Variants in PDPK1 observed in about 807,000 individuals in gnomAD.
PDPK1 encodes the protein 3-phosphoinositide dependent protein kinase 1.
A neutral mutation model predicts 39.8 loss-of-function variants in PDPK1; 7 were observed. The ratio of observed to expected loss-of-function variants is 0.18; its 90% CI spans 0.10 to 0.33. The LOEUF is 0.33. PDPK1 is among the 10% of genes least tolerant of loss of function. PDPK1 has a pLI of 1.00. For missense variants in PDPK1, 182 were observed against 384.7 expected (o/e 0.47, Z 4.41); for synonymous variants, 118 against 159.1 (o/e 0.74, Z 1.95).
Position 2,593,819 on chromosome 16 carries a change from A to G in PDPK1, c.1344-1974A>G, listed in dbSNP as rs2067043084. The G allele has an allele frequency of 6.6e-6, 1 of 152,578 alleles. No individual in the cohort carries two copies. The highest frequency in any genetic ancestry group is 2.4e-5 in the African/African-American group (1 of 41,448). 9.5% of individuals were successfully genotyped at this position (152,578 alleles called of 1,614,324 possible). On this transcript the variant is annotated intron_variant, in intron 11 of 13. Transcript: ENST00000342085. The surrounding 1 kb of genome is among the most constrained non-coding windows in gnomAD (Gnocchi z 4.2). ...TGCCGGCTCTGTGGTCCCTCCAGGC[A>G]TTTCTGTGCTCTATGCTTTCTGTGC...
At chr16:2,543,690 G>C (rs2066281028) in intron 1 of PDPK1, among the ~76,000 whole-genome samples, 1 of 152,124 alleles carries the variant, frequency 6.6e-6, no homozygotes. Flanking sequence ...TGGCTGTACA[G>C]TCTTTTCTGA....
Position 2,597,925 on chromosome 16 carries a change from A to G in PDPK1, c.*158A>G, listed in dbSNP as rs1406809184. ...TTTTATTTAAAAGAAAAGAAGAAAAAAAACACCCAACCACACAAAGAACAA... is the reference window on the plus strand; with the variant it reads ...TTTTATTTAAAAGAAAAGAAGAAAAGAAACACCCAACCACACAAAGAACAA... On this transcript the variant is annotated 3_prime_UTR_variant, in exon 14 of 14. Coordinates refer to ENST00000342085, the MANE Select transcript of PDPK1 (RefSeq NM_002613.5). This position sits in a 1 kb window ranked among gnomAD's most constrained non-coding sequence, Gnocchi z 6.3. 3 of 593,366 alleles carry G rather than the reference A, an allele frequency of 5.1e-6. No individual in the cohort carries two copies. The highest frequency in any genetic ancestry group is 3.0e-5 in the Admixed American group (1 of 33,252). The allele number at this position is 593,366 out of a possible 1,614,324, so 36.8% of individuals were successfully genotyped here.
rs1051484736 is a variant in PDPK1, at chr16:2,573,692, G to A, written c.710-3733G>A. 4.7e-5 allele frequency among the ~76,000 whole-genome samples: 5 copies of A among 107,026 alleles called. No homozygotes were observed. The South Asian group carries it at 9.4e-4, about 20-fold the overall frequency. 70.2% of individuals were successfully genotyped at this position (107,026 alleles called of 152,430 possible). A position where few individuals can be genotyped will look rare whatever the true frequency, so the allele number is the denominator to read the frequency against. ...GGTTGCAGTAAGCTGACCTCAGACC[G>A]CTGCACTCCAGCCTGGGCAACAGAG... On this transcript the variant is annotated intron_variant, in intron 6 of 13. Transcript: ENST00000342085.
At chr16:2,580,017 T>C (rs1387337141) in intron 7 of PDPK1, 2 of 149,528 alleles carry the variant, frequency 1.3e-5, no homozygotes, top group South Asian at 4.3e-4. Context: ...AACCCACTTA[T>C]AGTCACAGAT....
chr16:2,556,357 A>ATTTT (rs1174100741), intron 1 of PDPK1, among the ~76,000 whole-genome samples: 47 of 86,200 alleles, frequency 5.5e-4, no homozygotes, highest in African/African-American at 1.5e-3. Context: ...CGCCCGGCCT[A>ATTTT]TTTTTTTTTT....
Position 2,601,093 on chromosome 16 carries a change from A to C in PDPK1, c.*3326A>C, listed in dbSNP as rs2067206155. The C allele has an allele frequency of 4.3e-6, 1 of 232,872 alleles. No homozygotes were observed. Among genetic ancestry groups the C allele is most frequent in the Admixed American group, 5.6e-5 (1 of 17,766 alleles). The allele number at this position is 232,872 out of a possible 1,614,324, so 14.4% of individuals were successfully genotyped here. On this transcript the variant is annotated 3_prime_UTR_variant, in exon 14 of 14. Coordinates refer to ENST00000342085, the MANE Select transcript of PDPK1 (RefSeq NM_002613.5). ...AATAATGCTGTGATGAATATCTTTA[A>C]AATCTTCTGATTTCTTACTTTTTTC...
intron 1 of PDPK1, among the ~76,000 whole-genome samples, chr16:2,542,245 C>T (rs74744474): frequency 0.057 from 6,811 of 119,522 alleles, no homozygotes; most frequent in Admixed American, 0.079. Flanking sequence ...CTGCAACCTC[C>T]GCCTCATGGG....
rs192968759 is a variant in PDPK1, at chr16:2,595,250, T to C, written c.1344-543T>C. Among the ~76,000 whole-genome samples the C allele has an allele frequency of 1.9e-3, 290 of 152,336 alleles. 1 individual carries two copies. The highest frequency in any genetic ancestry group is 6.6e-3 in the African/African-American group (274 of 41,578). On this transcript the variant is annotated intron_variant, in intron 11 of 13. Transcript: ENST00000342085. ...TTCTGCCGTCTCTGAATAAAAGTGT[T>C]TTACTATGATGGAAAAACCAGAGGA...
Position 2,598,680 on chromosome 16 carries a change from C to T in PDPK1, c.*913C>T, listed in dbSNP as rs947687801. 3 of 233,312 alleles carry T rather than the reference C, an allele frequency of 1.3e-5. No individual in the cohort carries two copies. Among genetic ancestry groups the T allele is most frequent in the Non-Finnish European group, 2.5e-5 (3 of 118,176 alleles). The allele number at this position is 233,312 out of a possible 1,614,324, so 14.5% of individuals were successfully genotyped here. A position where few individuals can be genotyped will look rare whatever the true frequency, so the allele number is the denominator to read the frequency against. ...CCAGAGCAGAGAGGGCTGCTGACTT[C>T]CGTGTGGAGCAGAGAGGCCTGAGGG... On this transcript the variant is annotated 3_prime_UTR_variant, in exon 14 of 14. Transcript: ENST00000342085.
chr16:2,544,149 T>C (rs1293230349), intron 1 of PDPK1, among the ~76,000 whole-genome samples: 1 of 152,222 alleles, frequency 6.6e-6, no homozygotes, highest in Non-Finnish European at 1.5e-5. Flanking sequence ...GTTGAATCCA[T>C]GCATGTGGAG....
intron 11 of PDPK1, chr16:2,592,577 A>C (rs1031210660): frequency 2.3e-5 from 8 of 354,734 alleles, no homozygotes; most frequent in Non-Finnish European, 3.9e-5. Context: ...CAGGAGGCTG[A>C]GACAGGAGAA....
rs951436639 is a variant in PDPK1 at position 2,593,901 on chromosome 16, CTT to C, written c.1344-1890_1344-1889del. 1 of 152,356 alleles carries C rather than the reference CTT, an allele frequency of 6.6e-6. No individual in the cohort carries two copies. Among genetic ancestry groups the C allele is most frequent in the Admixed American group, 6.5e-5 (1 of 15,288 alleles). 9.4% of individuals were successfully genotyped at this position (152,356 alleles called of 1,614,324 possible). A position where few individuals can be genotyped will look rare whatever the true frequency, so the allele number is the denominator to read the frequency against. On this transcript the variant is annotated intron_variant, in intron 11 of 13. Transcript: ENST00000342085. The surrounding 1 kb of genome is among the most constrained non-coding windows in gnomAD (Gnocchi z 4.2). The stretch of plus-strand genomic sequence containing the variant: ...TCAGGAACCTCCTTGATCTGTTTCT[CTT>C]TGTTTTAATACCCACATTGTGTGTG...
chr16:2,540,703 C>A (rs2066228957), intron 1 of PDPK1, among the ~76,000 whole-genome samples: 1 of 152,198 alleles, frequency 6.6e-6, no homozygotes, highest in African/African-American at 2.4e-5. Flanking sequence ...GGGCCTGTTT[C>A]AGCCTCCTGC....
chr16:2,597,953 C>A lies in PDPK1; in HGVS notation c.*186C>A, dbSNP rs935396654. ...ACACCCAACCACACAAAGAACAAAA[C>A]CAGTAACAAACACAAAGGAATTCAG... On this transcript the variant is annotated 3_prime_UTR_variant, in exon 14 of 14. Coordinates refer to ENST00000342085, the MANE Select transcript of PDPK1 (RefSeq NM_002613.5). This position sits in a 1 kb window ranked among gnomAD's most constrained non-coding sequence, Gnocchi z 6.3. 7 of 587,158 alleles carry A rather than the reference C, an allele frequency of 1.2e-5. No homozygotes were observed. Among genetic ancestry groups the A allele is most frequent in the African/African-American group, 1.9e-5 (1 of 53,634 alleles). 36.4% of individuals were successfully genotyped at this position (587,158 alleles called of 1,614,324 possible).
At chr16:2,592,301 T>C (rs2067005288) in intron 11 of PDPK1, among the ~76,000 whole-genome samples, 1 of 152,084 alleles carries the variant, frequency 6.6e-6, no homozygotes, top group Non-Finnish European at 1.5e-5. Flanking sequence ...GTCGCCTGTT[T>C]TGAGGGAGCC....
chr16:2,539,276 C>T (rs778533842), intron 1 of PDPK1: 25 of 155,148 alleles, frequency 1.6e-4, no homozygotes, highest in Non-Finnish European at 3.1e-4. Flanking sequence ...GAAGGTGTTT[C>T]GCCATGTTGG....
chr16:2,543,119 G>A (rs559683243), intron 1 of PDPK1, among the ~76,000 whole-genome samples: 28 of 33,570 alleles, frequency 8.3e-4, no homozygotes, highest in Non-Finnish European at 1.6e-3. Context: ...ACTGAAATGC[G>A]CCTGGCGTGT....
intron 11 of PDPK1, among the ~76,000 whole-genome samples, chr16:2,591,993 G>A (rs1019160864): frequency 1.3e-5 from 2 of 152,174 alleles, no homozygotes; most frequent in African/African-American, 2.4e-5. Context: ...GGGCCCGTCC[G>A]CCATTGCCAC....
At chr16:2,553,356 T>C (rs2066453229) in intron 1 of PDPK1, among the ~76,000 whole-genome samples, 1 of 141,392 alleles carries the variant, frequency 7.1e-6, no homozygotes, top group Non-Finnish European at 1.5e-5. Context: ...TTTTTTAATT[T>C]CTTTTTTAAA....
Sources: gnomAD v4.1 joint callset for allele counts (sites outside exome capture counted in the v4.1 genomes callset) on GRCh38, gnomAD v4.1.1 for gene constraint, Gnocchi (gnomAD v3.1) non-coding constraint, MANE v1.5 for transcripts, NCBI Gene and HGNC (gene_info 2026-07-23, HGNC 2026-07-21) for gene names.